The following DOCK6 variants were observed in gnomAD, a reference collection of about 807,000 sequenced individuals.
DOCK6 encodes dedicator of cytokinesis protein 6.
DOCK6 carries 167 observed loss-of-function variants against 230.3 expected under a neutral mutation model. The ratio of observed to expected loss-of-function variants is 0.73; its 90% confidence interval spans 0.64 to 0.82. DOCK6 has a LOEUF of 0.82. Among genes scored for constraint, DOCK6 ranks in the 40% least tolerant of loss-of-function variants. DOCK6 has a pLI of 0.00. For synonymous variants in DOCK6, 1,148 were observed against 1,185.0 expected (o/e 0.97, Z 0.64); for missense variants, 2,598 against 2,825.8 (o/e 0.92, Z 1.83).
chr19:11,212,201 C>T, intron 35 of DOCK6, 50 bp from the exon 36 acceptor site: 1 of 1,578,684 alleles, frequency 6.3e-7, no homozygotes, highest in Non-Finnish European at 8.6e-7. Flanking sequence ...AGACCCCAGA[C>T]CCCACATCAG....
At chr19:11,242,376 C>A (rs917862014) in intron 13 of DOCK6, among the ~76,000 whole-genome samples, 169 bp from the exon 14 acceptor site, 1 of 151,930 alleles carries the variant, frequency 6.6e-6, no homozygotes. Flanking sequence ...CTGTCTGTCA[C>A]CCTAAATTTT....
At chr19:11,257,717 A>C (rs2080219998) in intron 1 of DOCK6, among the ~76,000 whole-genome samples, 1 of 151,720 alleles carries the variant, frequency 6.6e-6, no homozygotes, top group Admixed American at 6.6e-5. Context: ...TGAACCCGGG[A>C]GGTGGAGGTT....
chr19:11,225,367 C>G (rs2079647700), intron 24 of DOCK6, among the ~76,000 whole-genome samples: 1 of 152,210 alleles, frequency 6.6e-6, no homozygotes, highest in Non-Finnish European at 1.5e-5. Flanking sequence ...ACCTTTGAGA[C>G]CAGCTTGGAG....
In DOCK6 at chr19:11,238,079, G is replaced by A. The variant is rs141643317; in HGVS notation, c.1798C>T (p.Arg600Cys). 276 of 1,613,936 alleles carry A rather than the reference G, an allele frequency of 1.7e-4. No homozygotes were observed. The highest frequency in any genetic ancestry group is 3.3e-4 in the Middle Eastern group (2 of 6,062). ...TAGACCACCGGTGTGAAGGCCTCGC[G>A]GGTAAATTCACTGCAGCTGGACTTG... Reference protein sequence around the residue: ...FGKSSCSEFTREAFTPVVYHN... With the variant: ...FGKSSCSEFTCEAFTPVVYHN... Residue 600 changes from arginine to cysteine, a missense_variant, in exon 16 of 48, where the codon CGC (arginine) becomes TGC (cysteine). Arg to Cys is a radical substitution (Grantham distance 180). Coordinates refer to ENST00000294618, the MANE Select transcript of DOCK6 (RefSeq NM_020812.4).
rs769201228 is a variant in DOCK6 at position 11,202,131 on chromosome 19, C to T, written c.5452-6G>A. The T allele has an allele frequency of 3.7e-6, 6 of 1,613,600 alleles. No individual in the cohort carries two copies. Among genetic ancestry groups the T allele is most frequent in the East Asian group, 2.2e-5 (1 of 44,870 alleles). ...TACGTGATCTGGATGTAGGCCTGGG[C>T]GCAGGGTCAGGTGTGAGGATCCCAC... On this transcript the variant is annotated splice_region_variant and splice_polypyrimidine_tract_variant and intron_variant, in intron 43 of 47. Transcript: ENST00000294618. This position sits in a 1 kb window ranked among gnomAD's most constrained non-coding sequence, Gnocchi z 5.3.
intron 1 of DOCK6, among the ~76,000 whole-genome samples, chr19:11,256,723 G>GC (rs1219873590): frequency 5.3e-5 from 8 of 152,236 alleles, no homozygotes; most frequent in African/African-American, 1.9e-4. Flanking sequence ...TGTTGCCCAG[G>GC]CTAGAGCGCA....
rs983648576 is a variant in DOCK6 at position 11,215,238 on chromosome 19, C to G, written c.4106+149G>C. ...GATTACAGGCATGAGCCACTGCGCC[C>G]GGCCCATGCCCGGCTAATTTTTAAA... is the stretch of plus-strand genomic sequence containing the variant. On this transcript the variant is annotated intron_variant, in intron 32 of 47. Transcript: ENST00000294618. The G allele has an allele frequency of 1.4e-5, 9 of 635,472 alleles. No individual in the cohort carries two copies. In the African/African-American group the frequency reaches 1.5e-4, roughly 10 times the overall value. 39.4% of individuals were successfully genotyped at this position (635,472 alleles called of 1,614,324 possible).
chr19:11,209,567 C>G (rs1024872095), intron 37 of DOCK6, among the ~76,000 whole-genome samples: 1 of 141,928 alleles, frequency 7.0e-6, no homozygotes, highest in African/African-American at 2.8e-5. Flanking sequence ...CACCTGTCCA[C>G]CCCCTCACCT....
At chr19:11,220,745 G>T (rs1287264465) in intron 28 of DOCK6, among the ~76,000 whole-genome samples, 1 of 150,702 alleles carries the variant, frequency 6.6e-6, no homozygotes, top group Non-Finnish European at 1.5e-5. Context: ...AAAAGATGGA[G>T]AATTTCAACA....
chr19:11,231,331 G>A (rs2079763302), intron 22 of DOCK6, among the ~76,000 whole-genome samples: 2 of 150,590 alleles, frequency 1.3e-5, no homozygotes, highest in Admixed American at 1.3e-4. Flanking sequence ...TTACCCTTCG[G>A]GTCCCAGCAA....
chr19:11,218,378 C>CT lies in DOCK6; in HGVS notation c.3551-988dup. On this transcript the variant is annotated intron_variant, in intron 28 of 47. Coordinates refer to ENST00000294618, the MANE Select transcript of DOCK6 (RefSeq NM_020812.4). ...GCCAGACTGGTTTCAAACTCCTGAC[C>CT]TCGAATGATCTGCCCGCCTCGGCCT... Among the ~76,000 whole-genome samples, 2 of 152,288 alleles carry CT rather than the reference C, an allele frequency of 1.3e-5. 1 individual carries two copies. Among genetic ancestry groups the CT allele is most frequent in the Non-Finnish European group, 2.9e-5 (2 of 68,026 alleles).
intron 14 of DOCK6, chr19:11,239,829 G>A: frequency 6.2e-7 from 1 of 1,603,354 alleles, no homozygotes; most frequent in South Asian, 1.1e-5. Flanking sequence ...CAAAGGCCAG[G>A]AACAGCCTGG....
At position 11,243,600 on chromosome 19, in the gene DOCK6, C is replaced by A. The variant is rs2079984507; in HGVS notation, c.1215G>T (p.Val405=). ...AWTAVHLANI[V]SSAGQLDRDS... ...CCCGGTCCAGCTGCCCAGCGCTGCT[C>A]ACGATGTTGGCCAAGTGCACGGCCG... Residue 405 remains valine, a synonymous_variant, in exon 11 of 48, where the codon GTG becomes GTT. Transcript: ENST00000294618. This position sits in a 1 kb window ranked among gnomAD's most constrained non-coding sequence, Gnocchi z 6.3. The A allele has an allele frequency of 6.2e-7, 1 of 1,610,682 alleles. No homozygotes were observed. Among genetic ancestry groups the A allele is most frequent in the African/African-American group, 1.3e-5 (1 of 74,884 alleles).
chr19:11,245,640 GGTGGGT>G lies in DOCK6; in HGVS notation c.940_945del (p.Thr314_His315del). On this transcript the variant is annotated inframe_deletion, in exon 9 of 48. Coordinates refer to ENST00000294618, the MANE Select transcript of DOCK6 (RefSeq NM_020812.4). ...GAGCGGGCCAGGGTGGAGATGGCAG[GGTGGGT>G]GCCATGAGCCCGAAGCAGCCCCTTC... 2 of 1,606,490 alleles carry G rather than the reference GGTGGGT, an allele frequency of 1.2e-6. No individual in the cohort carries two copies. Among genetic ancestry groups the G allele is most frequent in the Non-Finnish European group, 1.7e-6 (2 of 1,176,564 alleles).
In DOCK6 at chr19:11,262,477, G is replaced by A; in HGVS notation, c.-37C>T. ...CCCGCCGCCGCCGCCCCGGGCCCCG[G>A]CCCCGCCGCCGCCGCCGCCTCCCGG... On this transcript the variant is annotated 5_prime_UTR_variant, in exon 1 of 48. Coordinates refer to ENST00000294618, the MANE Select transcript of DOCK6 (RefSeq NM_020812.4). 1 of 1,115,720 alleles carries A rather than the reference G, an allele frequency of 9.0e-7. No individual in the cohort carries two copies. The highest frequency in any genetic ancestry group is 1.1e-6 in the Non-Finnish European group (1 of 914,842). The allele number at this position is 1,115,720 out of a possible 1,614,324, so 69.1% of individuals were successfully genotyped here. A position where few individuals can be genotyped will look rare whatever the true frequency, so the allele number is the denominator to read the frequency against.
intron 1 of DOCK6, among the ~76,000 whole-genome samples, chr19:11,261,150 C>T (rs931790092): frequency 1.3e-4 from 19 of 150,450 alleles, no homozygotes; most frequent in African/African-American, 4.1e-4. Context: ...CCCACACGAC[C>T]CTGTACATTC....
chr19:11,252,910 G>T lies in DOCK6; in HGVS notation c.181C>A (p.Leu61Met). The T allele has an allele frequency of 6.2e-7, 1 of 1,613,184 alleles. No individual in the cohort carries two copies. The highest frequency in any genetic ancestry group is 1.1e-5 in the South Asian group (1 of 90,940). Residue 61 changes from leucine to methionine, a missense_variant, in exon 3 of 48, where the codon CTG (leucine) becomes ATG (methionine). Physicochemically the swap from Leu to Met is conservative, Grantham distance 15. Transcript: ENST00000294618. ...GGCTCAGCATCTGGTGGCCGGCTCA[G>T]AAGTACATCCTCAAAGTCCAGGGGC... The part of the protein sequence containing the change: ...VEPLDFEDVL[L>M]SRPPDAEPGP...
chr19:11,201,122 C>A lies in DOCK6; in HGVS notation c.5689-70G>T. On this transcript the variant is annotated intron_variant, in intron 44 of 47. Coordinates refer to ENST00000294618, the MANE Select transcript of DOCK6 (RefSeq NM_020812.4). The surrounding 1 kb of genome is among the most constrained non-coding windows in gnomAD (Gnocchi z 4.3). ...GGTCCTGATCGAAGCCAGTCGGGGG[C>A]AGCTCAGACCCCGCTGGGAGTGAGA... The A allele has an allele frequency of 1.3e-6, 2 of 1,573,458 alleles. No individual in the cohort carries two copies. The highest frequency in any genetic ancestry group is 1.7e-6 in the Non-Finnish European group (2 of 1,160,170).
At chr19:11,242,258 C>G in intron 13 of DOCK6, 51 bp from the exon 14 acceptor site, 1 of 1,392,444 alleles carries the variant, frequency 7.2e-7, no homozygotes, top group East Asian at 2.7e-5. Context: ...CCTGGCTCAG[C>G]CCACCCTTTC....
Sources: allele counts gnomAD v4.1 joint callset (sites outside exome capture counted in the v4.1 genomes callset), GRCh38; gene constraint gnomAD v4.1.1; non-coding constraint Gnocchi (gnomAD v3.1); transcripts MANE v1.5; gene names NCBI Gene and HGNC (gene_info 2026-07-23, HGNC 2026-07-21).